Variants in GRAMD1C observed in about 807,000 individuals in gnomAD.
The protein encoded by GRAMD1C is GRAM domain containing 1C.
GRAMD1C carries 89 observed loss-of-function variants against 97.8 expected under a neutral mutation model. That is an observed-to-expected ratio of 0.91 (90% confidence interval 0.77 to 1.09). The LOEUF is 1.09. Among genes scored for constraint, GRAMD1C ranks in the 50% least tolerant of loss-of-function variants. The pLI is 0.00. For synonymous variants in GRAMD1C, 256 were observed against 267.0 expected (o/e 0.96, Z 0.40); for missense variants, 740 against 766.4 (o/e 0.97, Z 0.41).
In GRAMD1C at chr3:113,945,482, T is replaced by A. The variant is rs1024165281; in HGVS notation, c.*4T>A. Reference sequence around the variant, plus strand: ...TGGCATGGCTGTTGAAAGCTAGTGATCTGAAGGACTAAAACCGCAGAGATA... The same window carrying A: ...TGGCATGGCTGTTGAAAGCTAGTGAACTGAAGGACTAAAACCGCAGAGATA... On this transcript the variant is annotated 3_prime_UTR_variant, in exon 18 of 18. Transcript: ENST00000358160. 6.6e-7 allele frequency: 1 copy of A among 1,512,138 alleles called. No homozygotes were observed. Among genetic ancestry groups the A allele is most frequent in the Admixed American group, 1.7e-5 (1 of 58,684 alleles). 93.7% of individuals were successfully genotyped at this position (1,512,138 alleles called of 1,614,324 possible). A position where few individuals can be genotyped will look rare whatever the true frequency, so the allele number is the denominator to read the frequency against.
At chr3:113,851,101 C>T (rs1489500951) in intron 2 of GRAMD1C, among the ~76,000 whole-genome samples, 1 of 152,172 alleles carries the variant, frequency 6.6e-6, no homozygotes, top group African/African-American at 2.4e-5. Flanking sequence ...TGCACCCGGC[C>T]TATACTTCTT....
chr3:113,901,200 A>G, intron 7 of GRAMD1C, 54 bp downstream of exon 7: 1 of 931,190 alleles, frequency 1.1e-6, no homozygotes, highest in Non-Finnish European at 1.8e-6. Flanking sequence ...ATCAAAGCAG[A>G]ATTATTTTAC....
chr3:113,838,996 A>C (rs1709703120), intron 1 of GRAMD1C, 60 bp downstream of exon 1: 130 of 1,055,192 alleles, frequency 1.2e-4, no homozygotes, highest in Non-Finnish European at 1.4e-4. Flanking sequence ...ACTTTTTCTC[A>C]CGGTGATTGC....
intron 10 of GRAMD1C, among the ~76,000 whole-genome samples, chr3:113,930,038 C>T (rs1391712587): frequency 1.3e-5 from 2 of 152,140 alleles, no homozygotes; most frequent in East Asian, 1.9e-4. Flanking sequence ...ATGACCTTCA[C>T]TGTGTTCTAG....
At chr3:113,894,585 G>A (rs1935861962) in intron 6 of GRAMD1C, among the ~76,000 whole-genome samples, 1 of 152,056 alleles carries the variant, frequency 6.6e-6, no homozygotes, top group South Asian at 2.1e-4. Context: ...GGCCTGTACT[G>A]TTTTTATCTT....
chr3:113,853,379 A>C (rs1336748491), intron 2 of GRAMD1C, among the ~76,000 whole-genome samples: 1 of 152,232 alleles, frequency 6.6e-6, no homozygotes, highest in Non-Finnish European at 1.5e-5. Flanking sequence ...GAAGTCCGTT[A>C]TGAATCTAAT....
intron 17 of GRAMD1C, among the ~76,000 whole-genome samples, chr3:113,942,514 T>C (rs1330030063): frequency 6.6e-6 from 1 of 152,128 alleles, no homozygotes; most frequent in Non-Finnish European, 1.5e-5. Context: ...TTTGGGTCAG[T>C]GTCCACAGAG....
At chr3:113,927,276 C>T (rs558279380) in intron 10 of GRAMD1C, among the ~76,000 whole-genome samples, 1 of 152,074 alleles carries the variant, frequency 6.6e-6, no homozygotes, top group Admixed American at 6.6e-5. Context: ...TGACCCCCTA[C>T]CCTGGTTGGC....
rs1240570603 is a variant in GRAMD1C at position 113,838,879 on chromosome 3, G to GGGCGGTGCCGCGGC, written c.-25_-12dup. ...GGGGCGGTGCGGTGCGGTGCGCGCG[G>GGGCGGTGCCGCGGC]GGCGGTGCCGCGGCGGCGGAGGGAG... is the stretch of plus-strand genomic sequence containing the variant. On this transcript the variant is annotated 5_prime_UTR_variant, in exon 1 of 18. Coordinates refer to ENST00000358160, the MANE Select transcript of GRAMD1C (RefSeq NM_017577.5). 5.7e-6 allele frequency: 7 copies of GGGCGGTGCCGCGGC among 1,229,856 alleles called. No homozygotes were observed. In the East Asian group the frequency reaches 1.9e-4, roughly 34 times the overall value. 76.2% of individuals were successfully genotyped at this position (1,229,856 alleles called of 1,614,324 possible).
intron 5 of GRAMD1C, among the ~76,000 whole-genome samples, chr3:113,880,785 A>T (rs1438600878): frequency 6.6e-6 from 1 of 152,222 alleles, no homozygotes; most frequent in Non-Finnish European, 1.5e-5. Flanking sequence ...TATGATAATT[A>T]TTCTCATTTT....
intron 3 of GRAMD1C, 73 bp from the exon 4 acceptor site, chr3:113,875,411 T>C: frequency 1.4e-6 from 1 of 725,432 alleles, no homozygotes; most frequent in South Asian, 1.6e-5. Context: ...TTCCATCTGT[T>C]GAAATATAGT....
At chr3:113,834,274 G>A (rs1709602304), upstream of GRAMD1C, among the ~76,000 whole-genome samples, 1 of 152,056 alleles carries the variant, frequency 6.6e-6, no homozygotes, top group Non-Finnish European at 1.5e-5. Context: ...CCGCCTCCTG[G>A]GTTCAAGCGA....
chr3:113,902,685 C>T (rs1222468253), intron 7 of GRAMD1C, among the ~76,000 whole-genome samples: 2 of 152,146 alleles, frequency 1.3e-5, no homozygotes, highest in African/African-American at 4.8e-5. Context: ...CTCACTCTGT[C>T]ACCCAGGCTG....
At chr3:113,927,269 C>A (rs539946748) in intron 10 of GRAMD1C, among the ~76,000 whole-genome samples, 4 of 152,180 alleles carry the variant, frequency 2.6e-5, no homozygotes, top group African/African-American at 7.2e-5. Flanking sequence ...AAAGTGATGA[C>A]CCCCTACCCT....
At chr3:113,939,327 T>C (rs1937653826) in intron 15 of GRAMD1C, 1 of 152,236 alleles carries the variant, frequency 6.6e-6, no homozygotes, top group African/African-American at 2.4e-5. Flanking sequence ...ACACCATTAA[T>C]GTATATTTGG....
intron 2 of GRAMD1C, among the ~76,000 whole-genome samples, chr3:113,856,828 T>C (rs1934149115): frequency 6.7e-6 from 1 of 149,832 alleles, no homozygotes; most frequent in Non-Finnish European, 1.5e-5. Flanking sequence ...CATGAGCCAC[T>C]GCGCCCAGCT....
At chr3:113,865,551 A>T (rs1318452127) in intron 2 of GRAMD1C, among the ~76,000 whole-genome samples, 3 of 152,350 alleles carry the variant, frequency 2.0e-5, no homozygotes, top group South Asian at 2.1e-4. Context: ...TTAGAATAGG[A>T]AGATGCTATT....
chr3:113,904,767 A>G (rs886517542), intron 8 of GRAMD1C, among the ~76,000 whole-genome samples: 3 of 152,146 alleles, frequency 2.0e-5, no homozygotes, highest in African/African-American at 7.2e-5. Context: ...ACTAGGCATT[A>G]TACTCAATTA....
chr3:113,915,646 TA>T, intron 9 of GRAMD1C, 54 bp from the exon 10 acceptor site: 4 of 1,500,014 alleles, frequency 2.7e-6, no homozygotes. Context: ...CCTAAAGCCT[TA>T]AAATAAACTT....
Sources: allele counts gnomAD v4.1 joint callset (sites outside exome capture counted in the v4.1 genomes callset), GRCh38; gene constraint gnomAD v4.1.1; transcripts MANE v1.5; gene names NCBI Gene and HGNC (gene_info 2026-07-23, HGNC 2026-07-21).